The following ADCY7 variants were observed in gnomAD, a reference collection of about 807,000 sequenced individuals.
ADCY7 encodes the protein adenylate cyclase type 7.
ADCY7 carries 72 observed loss-of-function variants against 120.6 expected under a neutral mutation model. The ratio of observed to expected loss-of-function variants is 0.60; its 90% confidence interval spans 0.49 to 0.73. ADCY7 has a LOEUF of 0.73. ADCY7 is among the 30% of genes least tolerant of loss of function. ADCY7 has a pLI of 0.00. For synonymous variants in ADCY7, 661 were observed against 628.0 expected, an observed-to-expected ratio of 1.05 and a Z score of -0.78; for missense variants, 1,227 against 1,486.0, an observed-to-expected ratio of 0.83 and a Z score of 2.87.
intron 1 of ADCY7, among the ~76,000 whole-genome samples, chr16:50,259,231 G>A (rs1441583364): frequency 2.6e-5 from 4 of 152,104 alleles, no homozygotes; most frequent in African/African-American, 7.2e-5. Context: ...CTGTGACATC[G>A]TTAAAAAAGA....
Position 50,316,394 on chromosome 16 carries a change from T to C in ADCY7, c.*889T>C, listed in dbSNP as rs747308946. ...AAAGTAAGGTGCGGCCTTTCACCTC[T>C]TCCTTGATTACTCACACATCTTTGC... On this transcript the variant is annotated 3_prime_UTR_variant, in exon 26 of 26. Transcript: ENST00000673801. 6 of 152,352 alleles carry C rather than the reference T, an allele frequency of 3.9e-5. No homozygotes were observed. The highest frequency in any genetic ancestry group is 8.8e-5 in the Non-Finnish European group (6 of 68,026). 9.4% of individuals were successfully genotyped at this position (152,352 alleles called of 1,614,324 possible). A position where few individuals can be genotyped will look rare whatever the true frequency, so the allele number is the denominator to read the frequency against.
Position 50,292,711 on chromosome 16 carries a change from C to T in ADCY7, c.573C>T (p.Asn191=), listed in dbSNP as rs1010192090. Residue 191 remains asparagine (N), a synonymous_variant, in exon 5 of 26, where the codon AAC becomes AAT. Transcript: ENST00000673801. The stretch of plus-strand genomic sequence containing the variant: ...ACGCAGTCATCTTCCTGTGTGGGAA[C>T]CTGACAGGCGCCTTCCACAAGCACC... ...LANAVIFLCG[N]LTGAFHKHQM... 1 of 1,613,986 alleles carries T rather than the reference C, an allele frequency of 6.2e-7. No individual in the cohort carries two copies. The highest frequency in any genetic ancestry group is 8.5e-7 in the Non-Finnish European group (1 of 1,179,998).
Position 50,316,988 on chromosome 16 carries a change from G to C in ADCY7, c.*1483G>C, listed in dbSNP as rs1321923367. ...ATACAGGGTTGCAGATTGGGTGACTGACCAGACTTGTTGGGGTCCTGGGAT... is the reference window on the plus strand; with the variant it reads ...ATACAGGGTTGCAGATTGGGTGACTCACCAGACTTGTTGGGGTCCTGGGAT... On this transcript the variant is annotated 3_prime_UTR_variant, in exon 26 of 26. Coordinates refer to ENST00000673801, the MANE Select transcript of ADCY7 (RefSeq NM_001114.5). The C allele has an allele frequency of 6.5e-6, 1 of 152,762 alleles. No homozygotes were observed. The highest frequency in any genetic ancestry group is 6.5e-5 in the Admixed American group (1 of 15,282). 9.5% of individuals were successfully genotyped at this position (152,762 alleles called of 1,614,324 possible). A position where few individuals can be genotyped will look rare whatever the true frequency, so the allele number is the denominator to read the frequency against.
Position 50,305,858 on chromosome 16 carries a change from C to T in ADCY7, c.1752+9C>T. On this transcript the variant is annotated intron_variant, in intron 14 of 25. Coordinates refer to ENST00000673801, the MANE Select transcript of ADCY7 (RefSeq NM_001114.5). ...AGGGCTTTGAGCGCGAGGTGAGGGC[C>T]CCCAGCAGCCTCCTCCGCAGAGGGA... is the stretch of plus-strand genomic sequence containing the variant. 1 of 1,613,428 alleles carries T rather than the reference C, an allele frequency of 6.2e-7. No homozygotes were observed. The highest frequency in any genetic ancestry group is 8.5e-7 in the Non-Finnish European group (1 of 1,179,806).
upstream of ADCY7, among the ~76,000 whole-genome samples, chr16:50,265,946 C>T (rs148050872): frequency 3.1e-3 from 470 of 152,342 alleles, 3 homozygotes; most frequent in African/African-American, 0.011. Flanking sequence ...GTTTGATTCC[C>T]AGCCTCATGG....
intron 22 of ADCY7, 112 bp downstream of exon 22, chr16:50,313,148 C>T: frequency 7.0e-7 from 1 of 1,432,078 alleles, no homozygotes; most frequent in Non-Finnish European, 9.4e-7. Context: ...CAGAGCTGGG[C>T]AAGGTGGTCT....
At chr16:50,276,703 C>T (rs780360402) in intron 1 of ADCY7, among the ~76,000 whole-genome samples, 6 of 152,202 alleles carry the variant, frequency 3.9e-5, no homozygotes, top group Non-Finnish European at 8.8e-5. Context: ...GGAGGTCCTC[C>T]TGCCTCAGCC....
In ADCY7 at chr16:50,315,452, A is replaced by C; in HGVS notation, c.3190A>C (p.Thr1064Pro). 1 of 1,614,142 alleles carries C rather than the reference A, an allele frequency of 6.2e-7. No individual in the cohort carries two copies. Among genetic ancestry groups the C allele is most frequent in the Non-Finnish European group, 8.5e-7 (1 of 1,180,004 alleles). ...INVKGKGELRTYFVCTDTAKF... is the reference protein window; with the variant it reads ...INVKGKGELRPYFVCTDTAKF... Reference sequence around the variant, plus strand: ...CGTCAAAGGCAAAGGCGAGCTGAGGACTTACTTTGTCTGTACGGACACTGC... The same window carrying C: ...CGTCAAAGGCAAAGGCGAGCTGAGGCCTTACTTTGTCTGTACGGACACTGC... Residue 1064 changes from threonine (T) to proline (P), a missense_variant, in exon 26 of 26, where the codon ACT becomes CCT. Transcript: ENST00000673801.
At chr16:50,309,677 C>T in intron 18 of ADCY7, 31 bp downstream of exon 18, 1 of 1,585,020 alleles carries the variant, frequency 6.3e-7, no homozygotes, top group South Asian at 1.1e-5. Flanking sequence ...TCCGTGGCCT[C>T]ATTCAGAGTG....
At chr16:50,298,855 G>A (rs373089020) in intron 7 of ADCY7, 49 bp from the exon 8 acceptor site, 5 of 1,586,306 alleles carry the variant, frequency 3.2e-6, no homozygotes, top group Non-Finnish European at 4.3e-6. Flanking sequence ...GTCGTGAGAG[G>A]TCCCAGCCCC....
At chr16:50,311,588 T>A in intron 19 of ADCY7, 105 bp from the exon 20 acceptor site, 3 of 750,854 alleles carry the variant, frequency 4.0e-6, no homozygotes, top group South Asian at 1.5e-5. Context: ...CCCATTAGAA[T>A]CAATTTTCCC....
chr16:50,250,898 C>A (rs1239619689), intron 1 of ADCY7, among the ~76,000 whole-genome samples: 2 of 152,106 alleles, frequency 1.3e-5, no homozygotes, highest in Non-Finnish European at 2.9e-5. Context: ...GTACTTATCA[C>A]TTCTGAAAGT....
chr16:50,250,766 A>T (rs2032735174), intron 1 of ADCY7, among the ~76,000 whole-genome samples: 1 of 152,222 alleles, frequency 6.6e-6, no homozygotes, highest in African/African-American at 2.4e-5. Context: ...ATAACTGTTT[A>T]TATGAGCCCT....
In ADCY7 at chr16:50,314,272, A is replaced by AC; in HGVS notation, c.2857-17dup. ...GGGGCTCTGGAGATGCAAGGATCTG[A>AC]CCCACAGCCTGTCCCGCAGGAGCTG... is the stretch of plus-strand genomic sequence containing the variant. On this transcript the variant is annotated intron_variant, in intron 23 of 25. Transcript: ENST00000673801. The AC allele has an allele frequency of 1.2e-6, 2 of 1,610,334 alleles. No homozygotes were observed. Among genetic ancestry groups the AC allele is most frequent in the Non-Finnish European group, 1.7e-6 (2 of 1,176,732 alleles).
chr16:50,270,772 C>T (rs552479584), intron 1 of ADCY7, among the ~76,000 whole-genome samples: 2 of 152,336 alleles, frequency 1.3e-5, no homozygotes, highest in South Asian at 2.1e-4. Context: ...GGGCTGATGG[C>T]AGTGCTCAGG....
At chr16:50,299,573 A>G (rs762330131) in intron 8 of ADCY7, among the ~76,000 whole-genome samples, 26 of 152,224 alleles carry the variant, frequency 1.7e-4, no homozygotes, top group African/African-American at 5.8e-4. Flanking sequence ...CAGGCTGACC[A>G]GTGTGGGGCA....
intron 1 of ADCY7, among the ~76,000 whole-genome samples, chr16:50,269,650 A>C (rs754449096): frequency 1.3e-5 from 2 of 152,152 alleles, no homozygotes; most frequent in Non-Finnish European, 2.9e-5. Flanking sequence ...CCTGACCCTC[A>C]GCACCGCTCC....
intron 1 of ADCY7, among the ~76,000 whole-genome samples, chr16:50,251,417 G>A (rs918800390): frequency 3.9e-5 from 6 of 152,110 alleles, no homozygotes; most frequent in African/African-American, 1.4e-4. Flanking sequence ...ATCTCCTGTT[G>A]CCATGATCCT....
At chr16:50,291,381 G>A (rs1422348270) in intron 3 of ADCY7, among the ~76,000 whole-genome samples, 1 of 152,176 alleles carries the variant, frequency 6.6e-6, no homozygotes. Context: ...CGCATTGCTG[G>A]AGGCAGCTGG....
Sources: allele counts gnomAD v4.1 joint callset (sites outside exome capture counted in the v4.1 genomes callset), GRCh38; gene constraint gnomAD v4.1.1; transcripts MANE v1.5; gene names NCBI Gene and HGNC (gene_info 2026-07-23, HGNC 2026-07-21).